The following HCN1 variants were observed in gnomAD, a reference collection of about 807,000 sequenced individuals.
HCN1 encodes the protein potassium/sodium hyperpolarization-activated cyclic nucleotide-gated channel 1.
HCN1 carries 13 observed loss-of-function variants against 78.9 expected under a neutral mutation model. That is an observed-to-expected ratio of 0.16 (90% CI 0.11 to 0.26). The LOEUF (loss-of-function observed/expected upper bound fraction) is 0.26, where lower values mean the gene tolerates loss of function less well. Among genes scored for constraint, HCN1 ranks in the 10% least tolerant of loss-of-function variants. HCN1 has a pLI of 1.00. For synonymous variants in HCN1, 552 were observed against 455.5 expected (o/e 1.21, Z -2.70); for missense variants, 810 against 1,154.3 (o/e 0.70, Z 4.32).
At chr5:45,466,839 A>T (rs1302962570) in intron 2 of HCN1, among the ~76,000 whole-genome samples, 1 of 152,148 alleles carries the variant, frequency 6.6e-6, no homozygotes, top group Non-Finnish European at 1.5e-5. Context: ...AACACTCTTC[A>T]TAGTAATCTC....
rs1744658694 is a variant in HCN1 at position 45,258,146 on chromosome 5, A to G, written c.*3775T>C. The G allele has an allele frequency of 6.6e-6, 1 of 152,210 alleles. No individual in the cohort carries two copies. The highest frequency in any genetic ancestry group is 6.5e-5 in the Admixed American group (1 of 15,286). The allele number at this position is 152,210 out of a possible 1,614,324, so 9.4% of individuals were successfully genotyped here. ...CATAGAAGCAAAGTAACATAGTAAA[A>G]TTAACAAATATAAAAACCTAAGCTG... On this transcript the variant is annotated 3_prime_UTR_variant, in exon 8 of 8. Coordinates refer to ENST00000303230, the MANE Select transcript of HCN1 (RefSeq NM_021072.4).
chr5:45,484,795 G>T (rs541399965), intron 2 of HCN1, among the ~76,000 whole-genome samples: 1 of 152,280 alleles, frequency 6.6e-6, no homozygotes, highest in East Asian at 1.9e-4. Context: ...TTTTAAAAAA[G>T]ACATCAGAAA....
At position 45,557,207 on chromosome 5, in the gene HCN1, T is replaced by C. The variant is rs141879652; in HGVS notation, c.849+87978A>G. 1.9e-4 allele frequency among the ~76,000 whole-genome samples: 29 copies of C among 152,206 alleles called. No homozygotes were observed. In the East Asian group the frequency reaches 5.0e-3, roughly 26 times the overall value. On this transcript the variant is annotated intron_variant, in intron 2 of 7. Transcript: ENST00000303230. ...AATTTGAAAACTTTTTTTTTAATTG[T>C]CTTTGTTCTTATTTTGCTTTTTCTT...
chr5:45,355,255 T>C (rs1255492991), intron 4 of HCN1, among the ~76,000 whole-genome samples: 1 of 152,072 alleles, frequency 6.6e-6, no homozygotes, highest in African/African-American at 2.4e-5. Flanking sequence ...ATTACTATTT[T>C]AAGCATTCAT....
intron 2 of HCN1, among the ~76,000 whole-genome samples, chr5:45,610,928 C>T (rs1223133868): frequency 1.3e-5 from 2 of 151,862 alleles, no homozygotes; most frequent in African/African-American, 4.8e-5. Flanking sequence ...AAAACTCTGG[C>T]TTTATTTTGG....
intron 5 of HCN1, among the ~76,000 whole-genome samples, chr5:45,348,994 A>T (rs1223175849): frequency 6.6e-6 from 1 of 152,208 alleles, no homozygotes; most frequent in Non-Finnish European, 1.5e-5. Context: ...GATACCCAGG[A>T]ATTGAACTCA....
At chr5:45,448,887 A>G (rs1740851850) in intron 3 of HCN1, among the ~76,000 whole-genome samples, 1 of 152,140 alleles carries the variant, frequency 6.6e-6, no homozygotes, top group Admixed American at 6.5e-5. Flanking sequence ...GCCGAGGCCA[A>G]TGGATCACTT....
intron 2 of HCN1, among the ~76,000 whole-genome samples, chr5:45,580,564 T>A (rs1579980574): frequency 1.3e-5 from 2 of 152,220 alleles, no homozygotes; most frequent in South Asian, 4.1e-4. Flanking sequence ...TACTTTTAAG[T>A]TTTAGGGTAC....
chr5:45,438,136 G>T (rs1391190032), intron 3 of HCN1, among the ~76,000 whole-genome samples: 1 of 152,126 alleles, frequency 6.6e-6, no homozygotes, highest in African/African-American at 2.4e-5. Context: ...ATTTATTAGG[G>T]TTAGAATACT....
chr5:45,339,375 G>A (rs1392762748), intron 5 of HCN1, among the ~76,000 whole-genome samples: 1 of 152,126 alleles, frequency 6.6e-6, no homozygotes, highest in African/African-American at 2.4e-5. Context: ...GAAAGTAGAA[G>A]GTAAGCTGAG....
rs964201011 is a variant in HCN1 at position 45,630,385 on chromosome 5, G to T, written c.849+14800C>A. ...GCCTCAATTTCTTCACTTTTTTATGGTGACAATGATACTACCTACTTCATA... is the reference window on the plus strand; with the variant it reads ...GCCTCAATTTCTTCACTTTTTTATGTTGACAATGATACTACCTACTTCATA... On this transcript the variant is annotated intron_variant, in intron 2 of 7. Coordinates refer to ENST00000303230, the MANE Select transcript of HCN1 (RefSeq NM_021072.4). Among the ~76,000 whole-genome samples, 3 of 152,092 alleles carry T rather than the reference G, an allele frequency of 2.0e-5. No individual in the cohort carries two copies. The South Asian group carries it at 6.2e-4, about 32-fold the overall frequency.
chr5:45,349,428 T>C (rs1746835378), intron 5 of HCN1, among the ~76,000 whole-genome samples: 1 of 151,960 alleles, frequency 6.6e-6, no homozygotes, highest in African/African-American at 2.4e-5. Context: ...GCAGGAAAGA[T>C]CCAAATTTGA....
At chr5:45,285,109 G>A (rs1745242576) in intron 6 of HCN1, among the ~76,000 whole-genome samples, 1 of 151,980 alleles carries the variant, frequency 6.6e-6, no homozygotes, top group Admixed American at 6.6e-5. Flanking sequence ...TGAAGGAGCA[G>A]AAGTAGCTCC....
chr5:45,298,794 A>G (rs1309533872), intron 6 of HCN1, among the ~76,000 whole-genome samples: 1 of 151,966 alleles, frequency 6.6e-6, no homozygotes, highest in African/African-American at 2.4e-5. Flanking sequence ...CCTTCCAAAG[A>G]GTACAGTATG....
intron 3 of HCN1, among the ~76,000 whole-genome samples, chr5:45,442,778 C>A (rs1260704138): frequency 6.6e-6 from 1 of 151,946 alleles, no homozygotes; most frequent in Admixed American, 6.6e-5. Context: ...TCATGGGCTG[C>A]CTTTTATCTT....
At chr5:45,602,834 G>C (rs1744651100) in intron 2 of HCN1, among the ~76,000 whole-genome samples, 1 of 152,014 alleles carries the variant, frequency 6.6e-6, no homozygotes, top group Non-Finnish European at 1.5e-5. Context: ...AGGTTCTTTT[G>C]TGATCAGATT....
At chr5:45,377,708 T>C (rs1747712784) in intron 4 of HCN1, among the ~76,000 whole-genome samples, 1 of 152,058 alleles carries the variant, frequency 6.6e-6, no homozygotes, top group Admixed American at 6.6e-5. Context: ...GTTTTGTGAC[T>C]GACCTACTTG....
chr5:45,624,715 G>T (rs1278570451), intron 2 of HCN1, among the ~76,000 whole-genome samples: 1 of 151,970 alleles, frequency 6.6e-6, no homozygotes, highest in South Asian at 2.1e-4. Flanking sequence ...GCATTAGATG[G>T]GGTCAGAATC....
chr5:45,530,444 T>C (rs918960322), intron 2 of HCN1, among the ~76,000 whole-genome samples: 1 of 150,414 alleles, frequency 6.6e-6, no homozygotes, highest in African/African-American at 2.4e-5. Context: ...ATAGTTTTTT[T>C]TTTTAAAATA....
Sources: allele counts gnomAD v4.1 joint callset (sites outside exome capture counted in the v4.1 genomes callset), GRCh38; gene constraint gnomAD v4.1.1; transcripts MANE v1.5; gene names NCBI Gene and HGNC (gene_info 2026-07-23, HGNC 2026-07-21).